UBE2D2: variants seen among roughly 807,000 people sequenced by gnomAD.
UBE2D2 encodes ubiquitin-conjugating enzyme E2 D2.
Under a neutral mutation model 24.2 loss-of-function variants are expected in UBE2D2, and 2 were observed. The ratio of observed to expected loss-of-function variants is 0.08; its 90% CI spans 0.03 to 0.26. The LOEUF (loss-of-function observed/expected upper bound fraction) is 0.26, where lower values mean the gene tolerates loss of function less well. UBE2D2 is among the 10% of genes least tolerant of loss of function. The pLI, the probability that UBE2D2 is intolerant of heterozygous loss-of-function variation, is 1.00. For synonymous variants in UBE2D2, 58 were observed against 56.5 expected, an observed-to-expected ratio of 1.03 and a Z score of -0.12; for missense variants, 44 against 177.6, an observed-to-expected ratio of 0.25 and a Z score of 4.28.
rs777708070 is a variant in UBE2D2 at position 139,614,638 on chromosome 5, C to T, written c.120+21C>T. 6.2e-6 allele frequency: 10 copies of T among 1,613,702 alleles called. No homozygotes were observed. The African/African-American group carries it at 8.0e-5, about 13-fold the overall frequency. On this transcript the variant is annotated intron_variant, in intron 3 of 6. Transcript: ENST00000398733. ...GGCCAGTAAGTATTCAGATTAATTT[C>T]AGAATAAACAGTTTATGTAATTTAC... is the stretch of plus-strand genomic sequence containing the variant.
chr5:139,562,219 T>G, intron 1 of UBE2D2: 20 of 1,365,718 alleles, frequency 1.5e-5, no homozygotes, highest in Admixed American at 1.9e-5. Context: ...CCCATTTCTG[T>G]TCCCTCCTCC....
intron 2 of UBE2D2, among the ~76,000 whole-genome samples, chr5:139,608,728 G>C (rs915065697): frequency 7.9e-5 from 12 of 152,208 alleles, no homozygotes; most frequent in African/African-American, 2.9e-4. Flanking sequence ...CAGCCTATTT[G>C]TGCTTTGTTT....
chr5:139,551,052 T>C (rs1752914085), intron 1 of UBE2D2, among the ~76,000 whole-genome samples: 1 of 152,076 alleles, frequency 6.6e-6, no homozygotes. Context: ...CCTTTTAGAA[T>C]ATTTCACCGG....
chr5:139,617,805 TATTTC>T (rs1439440161), intron 5 of UBE2D2, among the ~76,000 whole-genome samples: 1 of 152,066 alleles, frequency 6.6e-6, no homozygotes, highest in African/African-American at 2.4e-5. Flanking sequence ...CAATAATACA[TATTTC>T]ATTGTTGTTA....
intron 2 of UBE2D2, among the ~76,000 whole-genome samples, chr5:139,604,666 C>G (rs1754158177): frequency 6.6e-6 from 1 of 152,058 alleles, no homozygotes; most frequent in South Asian, 2.1e-4. Context: ...TGGAGGATCA[C>G]TTGAGGCCAG....
intron 1 of UBE2D2, among the ~76,000 whole-genome samples, chr5:139,576,550 G>GT (rs1173856669): frequency 1.3e-5 from 2 of 151,822 alleles, no homozygotes; most frequent in Non-Finnish European, 2.9e-5. Context: ...TTGTTTTTTA[G>GT]TAGAGATGGG....
chr5:139,529,856 G>T (rs973761989), intron 1 of UBE2D2, among the ~76,000 whole-genome samples: 11 of 152,024 alleles, frequency 7.2e-5, no homozygotes, highest in Admixed American at 2.0e-4. Context: ...TCCATTAGCC[G>T]AACATGTAGC....
chr5:139,547,090 A>T (rs1226056381), intron 1 of UBE2D2, among the ~76,000 whole-genome samples: 1 of 151,600 alleles, frequency 6.6e-6, no homozygotes, highest in Admixed American at 6.6e-5. Context: ...GGAGATCAAG[A>T]CCATCCTGGC....
intron 1 of UBE2D2, chr5:139,562,426 A>G: frequency 1.5e-6 from 2 of 1,294,946 alleles, no homozygotes; most frequent in Non-Finnish European, 2.0e-6. Flanking sequence ...ATGAGGGAGG[A>G]GGGAAGTAGA....
chr5:139,624,510 G>A (rs976349245), intron 6 of UBE2D2, among the ~76,000 whole-genome samples: 18 of 152,148 alleles, frequency 1.2e-4, no homozygotes. Flanking sequence ...TTTTAGGGCC[G>A]GGCGCAGTGG....
At chr5:139,601,205 T>C (rs1337961927) in intron 2 of UBE2D2, among the ~76,000 whole-genome samples, 1 of 152,272 alleles carries the variant, frequency 6.6e-6, no homozygotes, top group Admixed American at 6.5e-5. Flanking sequence ...TTTGTTCCAC[T>C]TCATTTCAAC....
At chr5:139,590,582 A>G (rs1753823021) in intron 1 of UBE2D2, among the ~76,000 whole-genome samples, 1 of 152,064 alleles carries the variant, frequency 6.6e-6, no homozygotes, top group Non-Finnish European at 1.5e-5. Flanking sequence ...AAAGTTTAAA[A>G]ACATGTAAAC....
intron 1 of UBE2D2, among the ~76,000 whole-genome samples, chr5:139,551,363 GAAT>G (rs1554076144): frequency 1.3e-5 from 2 of 151,976 alleles, no homozygotes; most frequent in Non-Finnish European, 2.9e-5. Context: ...GAAAAAAAAA[GAAT>G]ATTTCTCCAG....
chr5:139,600,718 T>C (rs1246323218), intron 2 of UBE2D2, among the ~76,000 whole-genome samples: 1 of 152,210 alleles, frequency 6.6e-6, no homozygotes, highest in Non-Finnish European at 1.5e-5. Context: ...CTAGCTATTA[T>C]TCTTGAGTAA....
intron 1 of UBE2D2, among the ~76,000 whole-genome samples, chr5:139,544,289 A>ATTT (rs370898297): frequency 5.6e-4 from 73 of 131,414 alleles, no homozygotes; most frequent in African/African-American, 1.9e-3. Flanking sequence ...AGCCACTGCA[A>ATTT]TTTTTTTTTT....
chr5:139,618,624 A>G (rs563120387), intron 5 of UBE2D2, among the ~76,000 whole-genome samples: 11 of 152,282 alleles, frequency 7.2e-5, no homozygotes, highest in Admixed American at 3.9e-4. Flanking sequence ...TGGAGACACA[A>G]GATAGCTGAA....
At chr5:139,611,161 G>A (rs992599533) in intron 2 of UBE2D2, among the ~76,000 whole-genome samples, 3 of 141,876 alleles carry the variant, frequency 2.1e-5, no homozygotes, top group African/African-American at 7.7e-5. Context: ...AGTTCTAGAT[G>A]ACAAGTTTTC....
At chr5:139,541,599 CAAAAAAAAAAAA>C (rs892398676) in intron 1 of UBE2D2, among the ~76,000 whole-genome samples, 1 of 58,438 alleles carries the variant, frequency 1.7e-5, no homozygotes, top group Non-Finnish European at 3.2e-5. Flanking sequence ...GACTCCATTT[CAAAAAAAAAAAA>C]AAAAAAAAAA....
At chr5:139,572,440 A>T (rs1444743976) in intron 1 of UBE2D2, among the ~76,000 whole-genome samples, 1 of 151,952 alleles carries the variant, frequency 6.6e-6, no homozygotes, top group African/African-American at 2.4e-5. Context: ...GTCTACAAAA[A>T]ATTAAATTAG....
Sources: allele counts gnomAD v4.1 joint callset (sites outside exome capture counted in the v4.1 genomes callset), GRCh38; gene constraint gnomAD v4.1.1; transcripts MANE v1.5; gene names NCBI Gene and HGNC (gene_info 2026-07-23, HGNC 2026-07-21).